Variants in MTRF1 observed in about 807,000 individuals in gnomAD.
MTRF1 encodes the protein mitochondrial translation release factor 1, also known as peptide chain release factor 1, mitochondrial.
In MTRF1, 51 loss-of-function variants were observed where a neutral mutation model predicts 62.9. The ratio of observed to expected loss-of-function variants is 0.81; its 90% CI spans 0.65 to 1.02. The LOEUF (loss-of-function observed/expected upper bound fraction) is 1.02. Ranked by LOEUF, MTRF1 falls within the 50% of genes least tolerant of loss-of-function variation. MTRF1 has a pLI of 0.00. For synonymous variants in MTRF1, 158 were observed against 181.9 expected, an observed-to-expected ratio of 0.87 and a Z score of 1.06; for missense variants, 446 against 530.0, an observed-to-expected ratio of 0.84 and a Z score of 1.56.
In MTRF1 at chr13:41,250,022, A is replaced by G. The variant is rs2038864337; in HGVS notation, c.697+2623T>C. 2.0e-5 allele frequency among the ~76,000 whole-genome samples: 3 copies of G among 151,820 alleles called. No homozygotes were observed. The South Asian group carries it at 6.2e-4, about 32-fold the overall frequency. On this transcript the variant is annotated intron_variant, in intron 5 of 9. Coordinates refer to ENST00000379480, the MANE Select transcript of MTRF1 (RefSeq NM_004294.4). ...TTTTATTTTATTTTGCCAGTGACTT[A>G]GTGTGTCTAAAGGAAAGGTTTCCCA...
chr13:41,304,796 A>T, the MTRF1 span, among the ~76,000 whole-genome samples: 9 of 152,230 alleles, frequency 5.9e-5, no homozygotes, highest in South Asian at 6.2e-4. Context: ...AGGAACAGGC[A>T]GCTATGAAAG....
At chr13:41,226,684 T>A (rs2034490707) in intron 7 of MTRF1, 116 bp from the exon 8 acceptor site, 1 of 1,242,792 alleles carries the variant, frequency 8.0e-7, no homozygotes, top group Non-Finnish European at 1.1e-6. Context: ...GATACAAACA[T>A]TTTAGGTTTA....
rs190809350 is a variant in MTRF1, at chr13:41,216,891, T to G, written c.*224A>C. 501 of 305,908 alleles carry G rather than the reference T, an allele frequency of 1.6e-3. No individual in the cohort carries two copies. The highest frequency in any genetic ancestry group is 0.01 in the African/African-American group (466 of 46,358). 18.9% of individuals were successfully genotyped at this position (305,908 alleles called of 1,614,324 possible). A position where few individuals can be genotyped will look rare whatever the true frequency, so the allele number is the denominator to read the frequency against. ...AATACTTTCTCTTTTCAATGATGCA[T>G]GCTTATTTTCTACTTGATGAGTTGG... On this transcript the variant is annotated 3_prime_UTR_variant, in exon 10 of 10. Coordinates refer to ENST00000379480, the MANE Select transcript of MTRF1 (RefSeq NM_004294.4).
At chr13:41,273,312 C>T in the MTRF1 span, among the ~76,000 whole-genome samples, 65 of 142,696 alleles carry the variant, frequency 4.6e-4, no homozygotes, top group Non-Finnish European at 7.5e-4. Context: ...GGCTACAGAG[C>T]GAGACTCCGT....
intron 9 of MTRF1, among the ~76,000 whole-genome samples, chr13:41,222,400 T>C (rs865905097): frequency 3.5e-4 from 53 of 152,286 alleles, no homozygotes; most frequent in Middle Eastern, 3.4e-3. Context: ...AGACACATTG[T>C]GGTAGGGAGA....
the MTRF1 span, among the ~76,000 whole-genome samples, chr13:41,301,085 A>G: frequency 3.7e-4 from 56 of 152,206 alleles, no homozygotes; most frequent in Non-Finnish European, 6.6e-4. Context: ...TCTAGTACAG[A>G]GTAAGTGTTC....
chr13:41,285,223 T>G, the MTRF1 span, among the ~76,000 whole-genome samples: 3 of 152,198 alleles, frequency 2.0e-5, no homozygotes, highest in Non-Finnish European at 2.9e-5. Context: ...AACTCTGGTA[T>G]GAGGAGTCCT....
chr13:41,273,977 T>G, the MTRF1 span, among the ~76,000 whole-genome samples: 6 of 152,198 alleles, frequency 3.9e-5, no homozygotes, highest in African/African-American at 1.4e-4. Context: ...TTGCATTCCT[T>G]CAGTTTCTGA....
At chr13:41,281,079 CAACCAGAGT>C in the MTRF1 span, among the ~76,000 whole-genome samples, 1 of 152,166 alleles carries the variant, frequency 6.6e-6, no homozygotes, top group Non-Finnish European at 1.5e-5. Context: ...TTTCCCAGAC[CAACCAGAGT>C]AACAGGAGAA....
the MTRF1 span, among the ~76,000 whole-genome samples, chr13:41,305,980 A>C: frequency 2.6e-4 from 40 of 152,238 alleles, no homozygotes; most frequent in Non-Finnish European, 1.0e-4. Flanking sequence ...GTAAAGAGAG[A>C]GAACATGCAA....
chr13:41,263,176 T>C (rs2040664886), intron 1 of MTRF1: 4 of 920,358 alleles, frequency 4.3e-6, no homozygotes, highest in Non-Finnish European at 6.1e-6. Flanking sequence ...ATTTCCATTT[T>C]AGGAACAGTA....
intron 5 of MTRF1, among the ~76,000 whole-genome samples, chr13:41,243,873 A>C (rs150685971): frequency 1.4e-3 from 211 of 152,290 alleles, no homozygotes; most frequent in African/African-American, 4.7e-3. Flanking sequence ...CTACCAATAC[A>C]ATTACTAAAA....
chr13:41,289,239 T>TTC, the MTRF1 span, among the ~76,000 whole-genome samples: 6 of 150,492 alleles, frequency 4.0e-5, no homozygotes, highest in Non-Finnish European at 7.4e-5. Context: ...TAAATTTTTT[T>TTC]TTTTTTTTTT....
At chr13:41,286,389 T>A in the MTRF1 span, among the ~76,000 whole-genome samples, 1 of 152,136 alleles carries the variant, frequency 6.6e-6, no homozygotes, top group Non-Finnish European at 1.5e-5. Context: ...AGATAGAAAA[T>A]AGGTCTTCTA....
chr13:41,290,459 T>G, the MTRF1 span, among the ~76,000 whole-genome samples: 3 of 149,332 alleles, frequency 2.0e-5, no homozygotes, highest in African/African-American at 7.4e-5. Context: ...AGTGGCACAA[T>G]CTCGGCTCAC....
chr13:41,289,396 C>T, the MTRF1 span, among the ~76,000 whole-genome samples: 1 of 151,956 alleles, frequency 6.6e-6, no homozygotes, highest in South Asian at 2.1e-4. Flanking sequence ...TGCCACAATG[C>T]CTGGCTAATT....
intron 9 of MTRF1, among the ~76,000 whole-genome samples, chr13:41,221,847 G>T (rs1456294050): frequency 6.6e-6 from 1 of 152,032 alleles, no homozygotes; most frequent in Non-Finnish European, 1.5e-5. Context: ...ACAACTGAAA[G>T]AACATAGTGT....
Position 41,240,384 on chromosome 13 carries a change from C to A in MTRF1, c.747G>T (p.Lys249Asn), listed in dbSNP as rs190548516. 58 of 1,613,874 alleles carry A rather than the reference C, an allele frequency of 3.6e-5. No individual in the cohort carries two copies. The East Asian group carries it at 1.2e-3, about 35-fold the overall frequency. The part of the protein sequence containing the change: ...AARISGDGVY[K>N]HLKYEGGIHR... ...GAATCCCACCCTCATACTTCAAATGCTTATAGACACCGTCACCGGAAATTC... is the reference window on the plus strand; with the variant it reads ...GAATCCCACCCTCATACTTCAAATGATTATAGACACCGTCACCGGAAATTC... The change falls in exon 6 of 10, where the codon AAG (lysine) becomes AAT (asparagine). Residue 249 changes from lysine to asparagine, a missense_variant. Transcript: ENST00000379480.
chr13:41,311,581 T>C, the MTRF1 span: 16 of 1,607,132 alleles, frequency 1.0e-5, no homozygotes, highest in Non-Finnish European at 1.3e-5. Flanking sequence ...AAACGCATCT[T>C]GGTGAGTGGC....
Sources: gnomAD v4.1 joint callset for allele counts (sites outside exome capture counted in the v4.1 genomes callset) on GRCh38, gnomAD v4.1.1 for gene constraint, MANE v1.5 for transcripts, NCBI Gene and HGNC (gene_info 2026-07-23, HGNC 2026-07-21) for gene names.